The following CNTN5 variants were observed in gnomAD, a reference collection of about 807,000 sequenced individuals.
CNTN5 encodes contactin-5.
In CNTN5, 77 loss-of-function variants were observed where a neutral mutation model predicts 129.1. The observed-to-expected ratio is 0.60, with a 90% CI of 0.50 to 0.72. CNTN5 has a LOEUF of 0.72. Among genes scored for constraint, CNTN5 ranks in the 30% least tolerant of loss-of-function variants. CNTN5 has a pLI of 0.00. For missense variants in CNTN5, 1,478 were observed against 1,328.8 expected (o/e 1.11, Z -1.75); for synonymous variants, 509 against 465.6 (o/e 1.09, Z -1.20).
At chr11:99,758,032 C>G (rs1944459832) in intron 3 of CNTN5, among the ~76,000 whole-genome samples, 1 of 152,000 alleles carries the variant, frequency 6.6e-6, no homozygotes, top group Non-Finnish European at 1.5e-5. Context: ...CTAATCTTTA[C>G]CAAACGTTTG....
chr11:99,591,336 C>CTT (rs1949972290), intron 3 of CNTN5, among the ~76,000 whole-genome samples: 2 of 47,230 alleles, frequency 4.2e-5, no homozygotes. Flanking sequence ...CTCAACAAAA[C>CTT]CTTTTTTTTT....
chr11:99,391,653 G>A (rs1546354), intron 2 of CNTN5, among the ~76,000 whole-genome samples: 1 of 151,852 alleles, frequency 6.6e-6, no homozygotes, highest in African/African-American at 2.4e-5. Flanking sequence ...GAAAGGTGAA[G>A]GTAGGGCATT....
chr11:99,486,192 A>C (rs1484760403), intron 2 of CNTN5, among the ~76,000 whole-genome samples: 3 of 152,192 alleles, frequency 2.0e-5, no homozygotes, highest in African/African-American at 7.2e-5. Flanking sequence ...AATCTTTTTC[A>C]GATATGTCTA....
chr11:99,980,189 C>T (rs992193587), intron 8 of CNTN5, among the ~76,000 whole-genome samples: 1 of 152,078 alleles, frequency 6.6e-6, no homozygotes, highest in African/African-American at 2.4e-5. Flanking sequence ...TGGATTCCAG[C>T]CAACAAAAAT....
chr11:99,665,119 G>A (rs1486050396), intron 3 of CNTN5, among the ~76,000 whole-genome samples: 1 of 152,182 alleles, frequency 6.6e-6, no homozygotes, highest in African/African-American at 2.4e-5. Flanking sequence ...GTGTAAAAAT[G>A]TGAATAATAG....
chr11:99,296,393 T>C (rs577563871), intron 1 of CNTN5, among the ~76,000 whole-genome samples: 14 of 152,278 alleles, frequency 9.2e-5, no homozygotes, highest in African/African-American at 3.4e-4. Context: ...AGGTTCTAGA[T>C]TGTGAAGAGA....
At chr11:99,834,548 G>T (rs1947243873) in intron 4 of CNTN5, among the ~76,000 whole-genome samples, 1 of 152,026 alleles carries the variant, frequency 6.6e-6, no homozygotes, top group African/African-American at 2.4e-5. Flanking sequence ...CAATTTTACA[G>T]CAAACGATTG....
Position 100,299,184 on chromosome 11 carries a change from A to G in CNTN5, c.2408A>G (p.Asn803Ser), listed in dbSNP as rs1353061954. 6.2e-7 allele frequency: 1 copy of G among 1,606,480 alleles called. No individual in the cohort carries two copies. The highest frequency in any genetic ancestry group is 8.5e-7 in the Non-Finnish European group (1 of 1,175,418). The change falls in exon 20 of 25, where the codon AAT becomes AGT. Residue 803 changes from asparagine to serine, a missense_variant. Transcript: ENST00000524871. ...TAGCCAGTATCTGAAGAGTTTCAGA[A>G]TGGGGAAGGCTTCGGCTATATTGTG... Reference protein sequence around the residue: ...AWEPVSEEFQNGEGFGYIVAF... With the variant: ...AWEPVSEEFQSGEGFGYIVAF...
At chr11:100,305,313 A>C (rs114529819) in intron 20 of CNTN5, among the ~76,000 whole-genome samples, 1 of 151,682 alleles carries the variant, frequency 6.6e-6, no homozygotes, top group Middle Eastern at 3.4e-3. Context: ...TAAAAACAAT[A>C]AAGTACTCCT....
In CNTN5 at chr11:99,909,374, C is replaced by T. The variant is rs573360220; in HGVS notation, c.578-6680C>T. Among the ~76,000 whole-genome samples, 541 of 152,096 alleles carry T rather than the reference C, an allele frequency of 3.6e-3. 5 individuals carry two copies. Among genetic ancestry groups the T allele is most frequent in the African/African-American group, 0.012 (490 of 41,520 alleles). ...TTACACTGTTGGTGGGACTGTAAACCACTTCAACCATTGTGGAAGTCAGTG... is the reference window on the plus strand; with the variant it reads ...TTACACTGTTGGTGGGACTGTAAACTACTTCAACCATTGTGGAAGTCAGTG... On this transcript the variant is annotated intron_variant, in intron 6 of 24. Transcript: ENST00000524871.
chr11:99,899,805 T>C lies in CNTN5; in HGVS notation c.578-16249T>C, dbSNP rs1177521357. On this transcript the variant is annotated intron_variant, in intron 6 of 24. Transcript: ENST00000524871. ...TTTGGAATAGTTTTAGTAAGGTTGG[T>C]ACCGGCTTTTCTTTGTACATCTGGT... Among the ~76,000 whole-genome samples the C allele has an allele frequency of 3.3e-5, 5 of 152,118 alleles. No homozygotes were observed. The East Asian group carries it at 9.6e-4, about 29-fold the overall frequency.
intron 2 of CNTN5, among the ~76,000 whole-genome samples, chr11:99,518,621 G>A (rs1167682180): frequency 6.6e-6 from 1 of 151,912 alleles, no homozygotes; most frequent in Non-Finnish European, 1.5e-5. Flanking sequence ...TGGCAGCAAT[G>A]GCTATATTAA....
chr11:100,349,181 A>G (rs1952350172), intron 23 of CNTN5, among the ~76,000 whole-genome samples: 1 of 151,998 alleles, frequency 6.6e-6, no homozygotes, highest in Non-Finnish European at 1.5e-5. Flanking sequence ...AGCATTTATT[A>G]CTAGAATTCA....
At chr11:99,664,916 A>C (rs1952728544) in intron 3 of CNTN5, among the ~76,000 whole-genome samples, 1 of 152,182 alleles carries the variant, frequency 6.6e-6, no homozygotes. Flanking sequence ...GGAATGCCAA[A>C]TGTTGTGTCT....
intron 2 of CNTN5, among the ~76,000 whole-genome samples, chr11:99,330,955 C>G (rs1317683328): frequency 3.9e-4 from 60 of 151,930 alleles, no homozygotes; most frequent in Non-Finnish European, 2.9e-5. Context: ...TGTGCACACA[C>G]ACACATTCAG....
chr11:99,814,044 G>C (rs1237868666), intron 3 of CNTN5, among the ~76,000 whole-genome samples: 1 of 152,084 alleles, frequency 6.6e-6, no homozygotes, highest in Non-Finnish European at 1.5e-5. Flanking sequence ...ATTTAAAAGA[G>C]AACTTTTTAT....
At chr11:100,037,259 C>T (rs1942076102) in intron 9 of CNTN5, among the ~76,000 whole-genome samples, 1 of 149,000 alleles carries the variant, frequency 6.7e-6, no homozygotes, top group Non-Finnish European at 1.5e-5. Context: ...TGTTTATATG[C>T]TGGATTACAT....
At chr11:99,861,544 T>A (rs1208891883) in intron 6 of CNTN5, among the ~76,000 whole-genome samples, 1 of 152,220 alleles carries the variant, frequency 6.6e-6, no homozygotes, top group African/African-American at 2.4e-5. Flanking sequence ...TCATATTATG[T>A]TGAGGACTTC....
chr11:99,830,297 C>T (rs1308606563), intron 4 of CNTN5, among the ~76,000 whole-genome samples: 4 of 152,104 alleles, frequency 2.6e-5, no homozygotes, highest in Non-Finnish European at 5.9e-5. Flanking sequence ...TTTATAAACC[C>T]TCTGTGTCTA....
Sources: allele counts gnomAD v4.1 joint callset (sites outside exome capture counted in the v4.1 genomes callset), GRCh38; gene constraint gnomAD v4.1.1; transcripts MANE v1.5; gene names NCBI Gene and HGNC (gene_info 2026-07-23, HGNC 2026-07-21).